The following UNC79 variants were observed in gnomAD, a reference collection of about 807,000 sequenced individuals.
The protein encoded by UNC79 is unc-79 subunit of NALCN channel complex, also known as protein unc-79 homolog.
A neutral mutation model predicts 283.1 loss-of-function variants in UNC79; 37 were observed. The ratio of observed to expected loss-of-function variants is 0.13; its 90% CI spans 0.10 to 0.17. The LOEUF is 0.17. Among genes scored for constraint, UNC79 ranks in the 10% least tolerant of loss-of-function variants. UNC79 has a pLI of 1.00. For synonymous variants in UNC79, 1,107 were observed against 1,200.2 expected (o/e 0.92, Z 1.61); for missense variants, 2,272 against 3,211.1 (o/e 0.71, Z 7.07).
At chr14:93,511,930 ATTGT>A (rs972891398) in intron 7 of UNC79, among the ~76,000 whole-genome samples, 79 of 152,120 alleles carry the variant, frequency 5.2e-4, no homozygotes, top group African/African-American at 1.2e-3. Context: ...AAAAAATTAG[ATTGT>A]TTATTTCCAA....
At chr14:93,661,321 T>C (rs1390763214) in intron 39 of UNC79, among the ~76,000 whole-genome samples, 3 of 152,238 alleles carry the variant, frequency 2.0e-5, no homozygotes, top group African/African-American at 4.8e-5. Context: ...ACATGTGTAA[T>C]ATTTCCACTA....
At chr14:93,389,114 G>A (rs1031845500) in intron 1 of UNC79, among the ~76,000 whole-genome samples, 26 of 152,268 alleles carry the variant, frequency 1.7e-4, no homozygotes, top group Admixed American at 4.6e-4. Flanking sequence ...GGAGGATGGG[G>A]ACACTGATTA....
At chr14:93,458,728 A>G (rs2056861522) in intron 1 of UNC79, among the ~76,000 whole-genome samples, 1 of 152,220 alleles carries the variant, frequency 6.6e-6, no homozygotes, top group African/African-American at 2.4e-5. Context: ...ATTGACATTT[A>G]AACTTTCAAT....
At chr14:93,379,258 T>G (rs2139984376) in intron 1 of UNC79, among the ~76,000 whole-genome samples, 1 of 152,264 alleles carries the variant, frequency 6.6e-6, no homozygotes. Flanking sequence ...TCTTTGTTAG[T>G]TTCCCAAAGA....
chr14:93,396,739 A>C (rs1566911189), intron 1 of UNC79, among the ~76,000 whole-genome samples: 1 of 149,198 alleles, frequency 6.7e-6, no homozygotes, highest in Non-Finnish European at 1.5e-5. Flanking sequence ...GCCTAGAACC[A>C]ATAAATCTCC....
intron 41 of UNC79, among the ~76,000 whole-genome samples, chr14:93,679,657 G>T (rs1051122989): frequency 6.6e-6 from 1 of 152,248 alleles, no homozygotes; most frequent in Non-Finnish European, 1.5e-5. Flanking sequence ...ATTGAATGGG[G>T]TTATTAATAT....
intron 1 of UNC79, among the ~76,000 whole-genome samples, chr14:93,348,921 G>C (rs1423999842): frequency 6.6e-6 from 1 of 152,186 alleles, no homozygotes; most frequent in African/African-American, 2.4e-5. Flanking sequence ...AATAGAAGTT[G>C]GGCAACCCGC....
chr14:93,488,844 A>G (rs554660974), intron 5 of UNC79, among the ~76,000 whole-genome samples: 2 of 152,292 alleles, frequency 1.3e-5, no homozygotes, highest in African/African-American at 2.4e-5. Context: ...TAAAGGCAGT[A>G]ATCTCATACA....
At chr14:93,494,055 C>G (rs895764226) in intron 5 of UNC79, among the ~76,000 whole-genome samples, 3 of 151,462 alleles carry the variant, frequency 2.0e-5, no homozygotes, top group South Asian at 2.1e-4. Flanking sequence ...AGGCACCCAC[C>G]ACCACACCCA....
rs1036996606 is a variant in UNC79, at chr14:93,622,892, C to G, written c.5608+51C>G. 2.5e-6 allele frequency: 4 copies of G among 1,577,372 alleles called. No individual in the cohort carries two copies. In the African/African-American group the frequency reaches 5.4e-5, roughly 21 times the overall value. Reference sequence around the variant, plus strand: ...CAGCCTTAACTTTAAGTTTGTGCATCTTGTTTGATAGGGTACCGGCACTGA... The same window carrying G: ...CAGCCTTAACTTTAAGTTTGTGCATGTTGTTTGATAGGGTACCGGCACTGA... On this transcript the variant is annotated intron_variant, in intron 30 of 48. Transcript: ENST00000555664.
chr14:93,446,392 T>TA (rs199795347), intron 1 of UNC79, among the ~76,000 whole-genome samples: 3,268 of 106,410 alleles, frequency 0.031, 125 homozygotes, highest in African/African-American at 0.1. Context: ...GACATGTGTG[T>TA]GGTTTTTTTT....
chr14:93,444,307 G>C (rs968116588), intron 1 of UNC79, among the ~76,000 whole-genome samples: 1 of 152,008 alleles, frequency 6.6e-6, no homozygotes, highest in Non-Finnish European at 1.5e-5. Context: ...TCTTTTGATT[G>C]AGTCTTAAGG....
intron 1 of UNC79, among the ~76,000 whole-genome samples, chr14:93,445,890 TTTGTC>T (rs2056445925): frequency 6.6e-6 from 1 of 152,284 alleles, no homozygotes; most frequent in African/African-American, 2.4e-5. Context: ...ATTTGACAAA[TTTGTC>T]TAGTTGCCAT....
chr14:93,624,907 G>T lies in UNC79; in HGVS notation c.5608+2066G>T, dbSNP rs542019085. Among the ~76,000 whole-genome samples, 26 of 152,200 alleles carry T rather than the reference G, an allele frequency of 1.7e-4. 2 individuals carry two copies. The South Asian group carries it at 5.4e-3, about 32-fold the overall frequency. The stretch of plus-strand genomic sequence containing the variant: ...ACGCACAGCCTTGCCCCTGCTAACT[G>T]CCAGGAGTCCAGGACTAACCTCACT... On this transcript the variant is annotated intron_variant, in intron 30 of 48. Transcript: ENST00000555664.
intron 7 of UNC79, among the ~76,000 whole-genome samples, chr14:93,514,694 T>A (rs1487004577): frequency 1.3e-5 from 2 of 152,230 alleles, no homozygotes; most frequent in Non-Finnish European, 2.9e-5. Context: ...ACTGAAAATC[T>A]GTTTCTTCTA....
chr14:93,700,656 G>C (rs147102557), intron 47 of UNC79, among the ~76,000 whole-genome samples: 2 of 152,090 alleles, frequency 1.3e-5, no homozygotes, highest in Non-Finnish European at 2.9e-5. Context: ...CTGTGACATA[G>C]TTACATAACT....
intron 13 of UNC79, among the ~76,000 whole-genome samples, chr14:93,541,209 A>C (rs183447729): frequency 1.3e-5 from 2 of 152,318 alleles, no homozygotes; most frequent in East Asian, 1.9e-4. Context: ...TTCACATCCC[A>C]TCACCTATGT....
At position 93,621,570 on chromosome 14, in the gene UNC79, A is replaced by T. The variant is rs2067138697; in HGVS notation, c.4388-51A>T. On this transcript the variant is annotated intron_variant, in intron 29 of 48. Coordinates refer to ENST00000555664, the Ensembl canonical transcript of UNC79. This position sits in a 1 kb window ranked among gnomAD's most constrained non-coding sequence, Gnocchi z 4.8. ...TGTATGCCCAAGGATGAGGGGAAAA[A>T]ATGGTGAAATCTCCAAGTAAAATAG... 6.7e-7 allele frequency: 1 copy of T among 1,491,230 alleles called. No individual in the cohort carries two copies. Among genetic ancestry groups the T allele is most frequent in the African/African-American group, 1.4e-5 (1 of 71,216 alleles). 92.4% of individuals were successfully genotyped at this position (1,491,230 alleles called of 1,614,324 possible).
intron 1 of UNC79, chr14:93,347,355 C>G (rs2053872524): frequency 6.3e-7 from 1 of 1,587,960 alleles, no homozygotes. Context: ...CCCGCTTCGC[C>G]CACTCGGGGC....
Sources: allele counts gnomAD v4.1 joint callset (sites outside exome capture counted in the v4.1 genomes callset), GRCh38; gene constraint gnomAD v4.1.1; non-coding constraint Gnocchi (gnomAD v3.1); transcripts MANE v1.5; gene names NCBI Gene and HGNC (gene_info 2026-07-23, HGNC 2026-07-21).